Variants in CFAP65 observed in about 807,000 individuals in gnomAD.
The protein encoded by CFAP65 is cilia- and flagella-associated protein 65.
Under a neutral mutation model 208.0 loss-of-function variants are expected in CFAP65, and 155 were observed. The ratio of observed to expected loss-of-function variants is 0.75; its 90% CI spans 0.65 to 0.85. CFAP65 has a LOEUF of 0.85. Ranked by LOEUF, CFAP65 falls within the 40% of genes least tolerant of loss-of-function variation. The pLI is 0.00. For missense variants in CFAP65, 2,294 were observed against 2,451.3 expected, an observed-to-expected ratio of 0.94 and a Z score of 1.36; for synonymous variants, 970 against 986.3, an observed-to-expected ratio of 0.98 and a Z score of 0.31.
intron 28 of CFAP65, 64 bp downstream of exon 28, chr2:219,009,282 CA>C: frequency 6.8e-7 from 1 of 1,466,626 alleles, no homozygotes; most frequent in Admixed American, 1.7e-5. Flanking sequence ...CACAGCCCAT[CA>C]CACCCCACCC....
Position 219,019,693 on chromosome 2 carries a change from G to T in CFAP65, c.3286C>A (p.Leu1096Met), listed in dbSNP as rs372322796. 6.2e-7 allele frequency: 1 copy of T among 1,613,420 alleles called. No homozygotes were observed. Among genetic ancestry groups the T allele is most frequent in the South Asian group, 1.1e-5 (1 of 91,078 alleles). Residue 1096 changes from leucine (L) to methionine (M), a missense_variant, in exon 20 of 35, where the codon CTG becomes ATG. Physicochemically the swap from Leu to Met is conservative, Grantham distance 15. Around this residue, in one of 2 missense-constraint regions of CFAP65, gnomAD observed 1,427 missense variants for 1,438.7 expected, o/e 0.99. Coordinates refer to ENST00000341552, the MANE Select transcript of CFAP65 (RefSeq NM_194302.4). ...ACGGCCACCAGGGAGACGCAGCACA[G>T]CTCCTGCTTCTCCCCAGCCTTGTTA... ...RDNKAGEKQE[L>M]CCVSLVAVYP...
intron 19 of CFAP65, among the ~76,000 whole-genome samples, chr2:219,020,534 C>A (rs1196403662): frequency 6.6e-6 from 1 of 151,966 alleles, no homozygotes; most frequent in Non-Finnish European, 1.5e-5. Context: ...GTGCATGCTA[C>A]CACACCCAGC....
chr2:219,031,169 G>A lies in CFAP65; in HGVS notation c.952C>T (p.Gln318Ter). Residue 318 changes from glutamine to a stop codon, truncating the protein, a stop_gained, in exon 8 of 35, where the codon CAG becomes TAG. Transcript: ENST00000341552. LOFTEE classifies it high-confidence loss of function. This position sits in a 1 kb window ranked among gnomAD's most constrained non-coding sequence, Gnocchi z 5.2. ...QPLTAVIYEVQATCWYGAGSR... is the reference protein window; with the variant it reads ...QPLTAVIYEV ...CCCGCCCCGTACCAGCACGTGGCCT[G>A]CACCTCGTAGATGACGGCTGTAAGG... The A allele has an allele frequency of 1.2e-6, 2 of 1,610,608 alleles. No individual in the cohort carries two copies. Among genetic ancestry groups the A allele is most frequent in the East Asian group, 2.2e-5 (1 of 44,780 alleles).
rs546739569 is a variant in CFAP65 at position 219,023,834 on chromosome 2, G to A, written c.2595+181C>T. Among the ~76,000 whole-genome samples, 14 of 152,350 alleles carry A rather than the reference G, an allele frequency of 9.2e-5. No individual in the cohort carries two copies. In the East Asian group the frequency reaches 2.7e-3, roughly 29 times the overall value. ...ATAAGGGGGACAGGCAAGGCCCTGAGGGGTGGGAGAGTTGTTCACAGAAGT... is the reference window on the plus strand; with the variant it reads ...ATAAGGGGGACAGGCAAGGCCCTGAAGGGTGGGAGAGTTGTTCACAGAAGT... On this transcript the variant is annotated intron_variant, in intron 15 of 34. Transcript: ENST00000341552.
At chr2:219,037,926 A>G (rs1392339644) in intron 4 of CFAP65, among the ~76,000 whole-genome samples, 5 of 152,208 alleles carry the variant, frequency 3.3e-5, no homozygotes, top group African/African-American at 4.8e-5. Context: ...AGTAAACAGT[A>G]TCCATACATT....
At chr2:219,039,937 C>A (rs1426466327) in intron 2 of CFAP65, among the ~76,000 whole-genome samples, 1 of 152,168 alleles carries the variant, frequency 6.6e-6, no homozygotes, top group Non-Finnish European at 1.5e-5. Context: ...AAATAACAAT[C>A]TCAAAAATAA....
At chr2:219,013,077 G>T (rs981043311) in intron 24 of CFAP65, among the ~76,000 whole-genome samples, 182 bp downstream of exon 24, 2 of 152,142 alleles carry the variant, frequency 1.3e-5, no homozygotes, top group Admixed American at 1.3e-4. Context: ...CAGGAACTAG[G>T]ACACTGCAGC....
intron 21 of CFAP65, 53 bp from the exon 22 acceptor site, chr2:219,014,097 G>T: frequency 6.7e-7 from 1 of 1,499,480 alleles, no homozygotes; most frequent in Non-Finnish European, 9.0e-7. Flanking sequence ...AGAACAGAGA[G>T]GCAGGGGCTC....
In CFAP65 at chr2:219,005,927, CT is replaced by C. The variant is rs1945938220; in HGVS notation, c.4922+93del. ...CACTGCTGCTGCCCATGCTCCACCC[CT>C]CACCATGGGTTGGGTCTGGGCAGCC... is the stretch of plus-strand genomic sequence containing the variant. On this transcript the variant is annotated intron_variant, in intron 31 of 34. Transcript: ENST00000341552. The C allele has an allele frequency of 3.1e-6, 4 of 1,283,912 alleles. No homozygotes were observed. In the Admixed American group the frequency reaches 8.1e-5, roughly 26 times the overall value. 79.5% of individuals were successfully genotyped at this position (1,283,912 alleles called of 1,614,324 possible). A position where few individuals can be genotyped will look rare whatever the true frequency, so the allele number is the denominator to read the frequency against.
At position 219,013,773 on chromosome 2, in the gene CFAP65, T is replaced by C. The variant is rs574762698; in HGVS notation, c.3779+95A>G. On this transcript the variant is annotated intron_variant, in intron 22 of 34. Transcript: ENST00000341552. ...GTGAGAAGGTGGTCCTCCCAGGGAA[T>C]GGCCATTTGGGGTGCCCTGGAGTCA... 3,055 of 1,258,414 alleles carry C rather than the reference T, an allele frequency of 2.4e-3. 8 individuals carry two copies. Among genetic ancestry groups the C allele is most frequent in the Middle Eastern group, 0.015 (72 of 4,824 alleles). 78.0% of individuals were successfully genotyped at this position (1,258,414 alleles called of 1,614,324 possible).
At chr2:219,033,426 T>C (rs989403211) in intron 5 of CFAP65, among the ~76,000 whole-genome samples, 1 of 151,700 alleles carries the variant, frequency 6.6e-6, no homozygotes, top group African/African-American at 2.4e-5. Context: ...CAGTTAGCCA[T>C]GTTAATGCCA....
intron 14 of CFAP65, among the ~76,000 whole-genome samples, chr2:219,024,470 A>AGGGAGATGGGGG (rs1168795562): frequency 1.4e-4 from 1 of 6,934 alleles, no homozygotes; most frequent in African/African-American, 7.1e-4. Flanking sequence ...ACCTCCAGAA[A>AGGGAGATGGGGG]GGGGCGGGGG....
Position 219,031,725 on chromosome 2 carries a change from AC to A in CFAP65, c.646-68del, listed in dbSNP as rs1948054901. On this transcript the variant is annotated intron_variant, in intron 6 of 34. Coordinates refer to ENST00000341552, the MANE Select transcript of CFAP65 (RefSeq NM_194302.4). This position sits in a 1 kb window ranked among gnomAD's most constrained non-coding sequence, Gnocchi z 5.2. ...CATTCAGGGACTGCACATCCCGCCC[AC>A]CCTCAGCCACCCCCAACACAACCGC... 3.3e-6 allele frequency: 5 copies of A among 1,527,828 alleles called. No homozygotes were observed. In the East Asian group the frequency reaches 1.1e-4, roughly 35 times the overall value. The allele number at this position is 1,527,828 out of a possible 1,614,324, so 94.6% of individuals were successfully genotyped here.
At chr2:219,036,191 T>C (rs991417898) in intron 4 of CFAP65, among the ~76,000 whole-genome samples, 1 of 152,200 alleles carries the variant, frequency 6.6e-6, no homozygotes, top group Non-Finnish European at 1.5e-5. Flanking sequence ...TTGCTTGCTG[T>C]TCACCCCACC....
intron 16 of CFAP65, 34 bp downstream of exon 16, chr2:219,023,173 G>A: frequency 6.4e-7 from 1 of 1,552,170 alleles, no homozygotes; most frequent in Non-Finnish European, 8.8e-7. Context: ...AGAAGTGAAG[G>A]TTGCCGTCAC....
Position 219,035,464 on chromosome 2 carries a change from T to G in CFAP65, c.542+16A>C, listed in dbSNP as rs1035116563. On this transcript the variant is annotated intron_variant, in intron 5 of 34. Coordinates refer to ENST00000341552, the MANE Select transcript of CFAP65 (RefSeq NM_194302.4). Reference sequence around the variant, plus strand: ...CAAGGCTGTGGCACTGGGTCCTTGATCCCTTATACTGGTACCTGTACTTCA... The same window carrying G: ...CAAGGCTGTGGCACTGGGTCCTTGAGCCCTTATACTGGTACCTGTACTTCA... 1 of 1,614,114 alleles carries G rather than the reference T, an allele frequency of 6.2e-7. No individual in the cohort carries two copies. Among genetic ancestry groups the G allele is most frequent in the Non-Finnish European group, 8.5e-7 (1 of 1,180,004 alleles).
chr2:219,033,718 A>C (rs1948188720), intron 5 of CFAP65: 1 of 152,132 alleles, frequency 6.6e-6, no homozygotes, highest in Non-Finnish European at 1.5e-5. Context: ...GCAGTCCTTT[A>C]CTCTGAGATG....
At chr2:219,007,547 C>T (rs1392626405) in intron 29 of CFAP65, among the ~76,000 whole-genome samples, 1 of 152,054 alleles carries the variant, frequency 6.6e-6, no homozygotes, top group Non-Finnish European at 1.5e-5. Flanking sequence ...TCTGGGGGTT[C>T]AGTGTGGCAG....
At chr2:219,035,100 G>GA (rs75235414) in intron 5 of CFAP65, 47,722 of 315,860 alleles carry the variant, frequency 0.15, 12 homozygotes, top group South Asian at 0.19. Context: ...AACTACGCAG[G>GA]AAAAAAAAAA....
Sources: allele counts gnomAD v4.1 joint callset (sites outside exome capture counted in the v4.1 genomes callset), GRCh38; gene constraint gnomAD v4.1.1; regional missense constraint gnomAD v4.1.1; non-coding constraint Gnocchi (gnomAD v3.1); transcripts MANE v1.5; gene names NCBI Gene and HGNC (gene_info 2026-07-23, HGNC 2026-07-21).